The following QDPR variants were observed in gnomAD, a reference collection of about 807,000 sequenced individuals.
The protein encoded by QDPR is quinoid dihydropteridine reductase, also known as dihydropteridine reductase.
In QDPR, 23 loss-of-function variants were observed where a neutral mutation model predicts 31.7. The observed-to-expected ratio is 0.73, with a 90% CI of 0.52 to 1.03. The LOEUF is 1.03. Among genes scored for constraint, QDPR ranks in the 50% least tolerant of loss-of-function variants. The pLI is 0.00. For synonymous variants in QDPR, 124 were observed against 124.7 expected (o/e 0.99, Z 0.03); for missense variants, 324 against 323.8 (o/e 1.00, Z 0.00).
Position 17,501,786 on chromosome 4 carries a change from G to C in QDPR, c.369C>G (p.Thr123=). 6.2e-7 allele frequency: 1 copy of C among 1,614,172 alleles called. No individual in the cohort carries two copies. Among genetic ancestry groups the C allele is most frequent in the Non-Finnish European group, 8.5e-7 (1 of 1,180,016 alleles). ...WTSTISSHLA[T]KHLKEGGLLT... ...GGAGGCCTCCTTCCTTGAGATGCTT[G>C]GTAGCCAGATGGCTGGAGATGGTCG... is the stretch of plus-strand genomic sequence containing the variant. Residue 123 remains threonine (T), a synonymous_variant, in exon 4 of 7, where the codon ACC becomes ACG. Transcript: ENST00000281243.
At chr4:17,493,829 G>C (rs1277282576) in intron 4 of QDPR, among the ~76,000 whole-genome samples, 1 of 152,124 alleles carries the variant, frequency 6.6e-6, no homozygotes, top group Non-Finnish European at 1.5e-5. Context: ...CCTCCTAATT[G>C]CTTGGTCATT....
chr4:17,509,480 A>G (rs1718920370), intron 1 of QDPR, 117 bp from the exon 2 acceptor site: 2 of 878,562 alleles, frequency 2.3e-6, no homozygotes, highest in African/African-American at 1.6e-5. Context: ...TAATGCCAGC[A>G]CTTTGGGAGC....
In QDPR at chr4:17,486,872, G is replaced by C; in HGVS notation, c.*259C>G. On this transcript the variant is annotated 3_prime_UTR_variant, in exon 7 of 7. Transcript: ENST00000281243. ...ATCCAACATGACACCGCTATAGCAG[G>C]TGCTATGCAGAGCCCTCCCTATGCA... The C allele has an allele frequency of 2.0e-6, 1 of 509,604 alleles. No individual in the cohort carries two copies. The highest frequency in any genetic ancestry group is 2.2e-5 in the South Asian group (1 of 46,274). 31.6% of individuals were successfully genotyped at this position (509,604 alleles called of 1,614,324 possible).
At position 17,509,323 on chromosome 4, in the gene QDPR, C is replaced by T; in HGVS notation, c.146G>A (p.Ser49Asn). Residue 49 changes from serine (S) to asparagine (N), a missense_variant, in exon 2 of 7, where the codon AGC becomes AAC. By Grantham distance (46) the Ser-to-Asn change is conservative. Transcript: ENST00000281243. ...SVDVVENEEA[S>N]ASIIVKMTDS... ...TGTCATTTTAACAATGATGCTAGCG[C>T]TGGCCTCTTCATTCTCCACCACATC... 6.2e-7 allele frequency: 1 copy of T among 1,614,084 alleles called. No individual in the cohort carries two copies. The highest frequency in any genetic ancestry group is 8.5e-7 in the Non-Finnish European group (1 of 1,179,968).
chr4:17,501,384 C>T (rs908627363), intron 4 of QDPR, among the ~76,000 whole-genome samples: 5 of 152,158 alleles, frequency 3.3e-5, no homozygotes, highest in Non-Finnish European at 5.9e-5. Context: ...CCCTGGAACA[C>T]ATGGATTCAA....
chr4:17,488,071 C>T (rs1444009577), intron 6 of QDPR, among the ~76,000 whole-genome samples: 3 of 152,000 alleles, frequency 2.0e-5, no homozygotes, highest in Admixed American at 1.3e-4. Context: ...TTGAGACCAG[C>T]CTGGGCAACT....
chr4:17,499,450 G>A (rs751973496), intron 4 of QDPR, among the ~76,000 whole-genome samples: 10 of 152,274 alleles, frequency 6.6e-5, no homozygotes, highest in East Asian at 1.9e-4. Context: ...CCTCTGTTCC[G>A]TGTCATCTTA....
intron 1 of QDPR, chr4:17,509,875 GC>G (rs1278026851): frequency 2.3e-6 from 1 of 442,492 alleles, no homozygotes; most frequent in Non-Finnish European, 4.6e-6. Context: ...CACAAACCCT[GC>G]ACTTCTAGAG....
At chr4:17,510,080 T>C (rs1718952315) in intron 1 of QDPR, 1 of 429,230 alleles carries the variant, frequency 2.3e-6, no homozygotes, top group Non-Finnish European at 4.7e-6. Context: ...AATTTTCATA[T>C]ACAACAAAAT....
chr4:17,497,041 G>A (rs913401685), intron 4 of QDPR, among the ~76,000 whole-genome samples: 2 of 152,050 alleles, frequency 1.3e-5, no homozygotes, highest in Admixed American at 6.6e-5. Flanking sequence ...GAGCCATCGC[G>A]CCCTGCCAAA....
intron 4 of QDPR, among the ~76,000 whole-genome samples, chr4:17,494,367 G>T (rs114055919): frequency 1.3e-3 from 198 of 152,224 alleles, no homozygotes; most frequent in African/African-American, 4.5e-3. Flanking sequence ...GATCCCAAGT[G>T]GACTTTCCTC....
At chr4:17,503,243 G>T (rs908439451) in intron 3 of QDPR, among the ~76,000 whole-genome samples, 16 of 152,074 alleles carry the variant, frequency 1.1e-4, no homozygotes, top group African/African-American at 3.9e-4. Context: ...AAAAATTCTA[G>T]ATTTTCTAGA....
intron 3 of QDPR, among the ~76,000 whole-genome samples, chr4:17,503,589 A>G (rs542937635): frequency 3.1e-4 from 47 of 152,246 alleles, no homozygotes; most frequent in Non-Finnish European, 5.9e-4. Flanking sequence ...TAGATGGAGC[A>G]TATAAGGGTG....
Position 17,486,823 on chromosome 4 carries a change from G to T in QDPR, c.*308C>A. 2.5e-6 allele frequency: 1 copy of T among 393,266 alleles called. No individual in the cohort carries two copies. The highest frequency in any genetic ancestry group is 4.7e-6 in the Non-Finnish European group (1 of 211,994). 24.4% of individuals were successfully genotyped at this position (393,266 alleles called of 1,614,324 possible). ...AGTCAAGATGACAGCCACTGTCAAG[G>T]ACAGATGAACAGTCACAAAAGCGAT... On this transcript the variant is annotated 3_prime_UTR_variant, in exon 7 of 7. Coordinates refer to ENST00000281243, the MANE Select transcript of QDPR (RefSeq NM_000320.3).
chr4:17,488,603 C>T (rs73800217), intron 6 of QDPR, among the ~76,000 whole-genome samples: 17 of 152,326 alleles, frequency 1.1e-4, no homozygotes, highest in African/African-American at 4.1e-4. Flanking sequence ...TCACAAGAAA[C>T]AAGAAGTAGA....
chr4:17,495,911 A>G (rs1005047064), intron 4 of QDPR, among the ~76,000 whole-genome samples: 6 of 151,998 alleles, frequency 3.9e-5, no homozygotes, highest in African/African-American at 1.5e-4. Flanking sequence ...CGGTAGGCTG[A>G]GGTGGAAAGA....
chr4:17,497,433 G>A (rs1002122720), intron 4 of QDPR, among the ~76,000 whole-genome samples: 2 of 151,672 alleles, frequency 1.3e-5, no homozygotes, highest in Non-Finnish European at 1.5e-5. Flanking sequence ...AGAGCACTCC[G>A]CTTAGACCGT....
intron 2 of QDPR, 32 bp downstream of exon 2, chr4:17,509,239 C>A (rs1718906492): frequency 1.3e-6 from 2 of 1,563,478 alleles, no homozygotes; most frequent in Admixed American, 1.7e-5. Context: ...CAGGGTTCCC[C>A]TCACAATGTT....
Position 17,507,749 on chromosome 4 carries a change from G to A in QDPR, c.198+1522C>T, listed in dbSNP as rs189875517. ...CTCCCGAGTAGCTGGGACTACAGGC[G>A]TGCACCACCACGCTCAGCTAATTTT... is the stretch of plus-strand genomic sequence containing the variant. On this transcript the variant is annotated intron_variant, in intron 2 of 6. Transcript: ENST00000281243. 1.6e-3 allele frequency among the ~76,000 whole-genome samples: 238 copies of A among 152,074 alleles called. 1 individual carries two copies. The Middle Eastern group carries it at 0.02, about 13-fold the overall frequency.
Sources: gnomAD v4.1 joint callset for allele counts (sites outside exome capture counted in the v4.1 genomes callset) on GRCh38, gnomAD v4.1.1 for gene constraint, MANE v1.5 for transcripts, NCBI Gene and HGNC (gene_info 2026-07-23, HGNC 2026-07-21) for gene names.